The following INSC variants were observed in gnomAD, a reference collection of about 807,000 sequenced individuals.
The protein encoded by INSC is protein inscuteable homolog.
In INSC, 67 loss-of-function variants were observed where a neutral mutation model predicts 58.6. The observed-to-expected ratio is 1.14, with a 90% CI of 0.94 to 1.40. The LOEUF (loss-of-function observed/expected upper bound fraction) is 1.40, where lower values mean the gene tolerates loss of function less well. Among genes scored for constraint, INSC ranks in the 40% most tolerant of loss-of-function variants. INSC has a pLI of 0.00. For synonymous variants in INSC, 262 were observed against 276.1 expected, an observed-to-expected ratio of 0.95 and a Z score of 0.51; for missense variants, 714 against 692.0, an observed-to-expected ratio of 1.03 and a Z score of -0.36.
At chr11:15,248,499 G>A (rs1319103953), downstream of INSC, among the ~76,000 whole-genome samples, 2 of 152,188 alleles carry the variant, frequency 1.3e-5, no homozygotes, top group African/African-American at 4.8e-5. Context: ...CCTACTTTGA[G>A]AATCACTGAT....
intron 11 of INSC, among the ~76,000 whole-genome samples, chr11:15,239,312 C>T (rs1452707880): frequency 6.6e-6 from 1 of 152,190 alleles, no homozygotes; most frequent in Non-Finnish European, 1.5e-5. Flanking sequence ...AACAGTGACT[C>T]ACCTGCAGAC....
chr11:15,143,646 G>A (rs1462332503), intron 1 of INSC, among the ~76,000 whole-genome samples: 1 of 152,178 alleles, frequency 6.6e-6, no homozygotes, highest in African/African-American at 2.4e-5. Flanking sequence ...TGGTGGTTGT[G>A]TGGGGAACAA....
chr11:15,230,004 T>C (rs1315442109), intron 9 of INSC, among the ~76,000 whole-genome samples: 2 of 27,296 alleles, frequency 7.3e-5, no homozygotes, highest in Non-Finnish European at 1.2e-4. Flanking sequence ...TATATATATA[T>C]ATATATATAA....
intron 7 of INSC, among the ~76,000 whole-genome samples, chr11:15,218,665 G>A (rs2133924269): frequency 1.3e-5 from 2 of 152,220 alleles, no homozygotes; most frequent in Admixed American, 1.3e-4. Context: ...AGGGAAGCAA[G>A]ACGATGGGCA....
At chr11:15,193,641 A>G (rs184867023) in intron 6 of INSC, among the ~76,000 whole-genome samples, 1 of 152,212 alleles carries the variant, frequency 6.6e-6, no homozygotes, top group African/African-American at 2.4e-5. Context: ...TTATGGCTGC[A>G]TAGTATTCCA....
At chr11:15,266,355 C>T in the INSC span, among the ~76,000 whole-genome samples, 1 of 151,820 alleles carries the variant, frequency 6.6e-6, no homozygotes, top group Non-Finnish European at 1.5e-5. Context: ...ACTGCATTGG[C>T]CTTCATAGGG....
chr11:15,141,571 G>A (rs1848372466), intron 1 of INSC, among the ~76,000 whole-genome samples: 1 of 152,140 alleles, frequency 6.6e-6, no homozygotes, highest in South Asian at 2.1e-4. Flanking sequence ...TATATTTCAT[G>A]AGGCTCAGTT....
chr11:15,238,915 C>T lies in INSC; in HGVS notation c.1238-4C>T. 1 of 1,613,330 alleles carries T rather than the reference C, an allele frequency of 6.2e-7. No individual in the cohort carries two copies. Among genetic ancestry groups the T allele is most frequent in the Non-Finnish European group, 8.5e-7 (1 of 1,179,544 alleles). On this transcript the variant is annotated splice_region_variant and splice_polypyrimidine_tract_variant and intron_variant, in intron 10 of 12. Coordinates refer to ENST00000379556, the MANE Select transcript of INSC (RefSeq NM_001042536.3). Reference sequence around the variant, plus strand: ...GTACCAACTGTTCCTTGCTTCCTGCCTAGGGGTCCAGCTTATCATGGGCAT... The same window carrying T: ...GTACCAACTGTTCCTTGCTTCCTGCTTAGGGGTCCAGCTTATCATGGGCAT...
chr11:15,153,599 C>T (rs2133761608), intron 2 of INSC, among the ~76,000 whole-genome samples: 1 of 152,312 alleles, frequency 6.6e-6, no homozygotes, highest in African/African-American at 2.4e-5. Context: ...ACTTGAATTC[C>T]ATCCTTTCTC....
At chr11:15,180,684 A>AGGGGGGGGGGGGGGG (rs375510258) in intron 5 of INSC, among the ~76,000 whole-genome samples, 2 of 39,948 alleles carry the variant, frequency 5.0e-5, no homozygotes, top group African/African-American at 1.1e-4. Context: ...GGTAGGAGTG[A>AGGGGGGGGGGGGGGG]GGGGGGGGGC....
chr11:15,200,979 G>C (rs1007033786), intron 7 of INSC, 30 bp downstream of exon 7: 84 of 1,572,266 alleles, frequency 5.3e-5, no homozygotes, highest in Non-Finnish European at 6.6e-5. Context: ...TGGTGCCTGA[G>C]GTCCTCAAGC....
rs375266524 is a variant in INSC, at chr11:15,225,766, C to T, written c.1108C>T (p.Arg370Cys). Reference sequence around the variant, plus strand: ...GATGCTCCTGCAGTTGAATGCCATCCGTGTTCTCCTGGAAGCCTGCAGTGA... The same window carrying T: ...GATGCTCCTGCAGTTGAATGCCATCTGTGTTCTCCTGGAAGCCTGCAGTGA... ...CEMLLQLNAIRVLLEACSDKQ... is the reference protein window; with the variant it reads ...CEMLLQLNAICVLLEACSDKQ... The change falls in exon 9 of 13, where the codon CGT becomes TGT. Residue 370 changes from arginine to cysteine, a missense_variant. Physicochemically the swap from Arg to Cys is radical, Grantham distance 180 (BLOSUM62 -3). Transcript: ENST00000379556. 25 of 1,614,016 alleles carry T rather than the reference C, an allele frequency of 1.5e-5. No homozygotes were observed. The highest frequency in any genetic ancestry group is 6.7e-5 in the East Asian group (3 of 44,846).
chr11:15,135,098 C>T (rs1213259548), intron 1 of INSC, among the ~76,000 whole-genome samples: 2 of 152,050 alleles, frequency 1.3e-5, no homozygotes, highest in African/African-American at 4.8e-5. Context: ...ATTGGAATTA[C>T]TTGGAGATAG....
the INSC span, among the ~76,000 whole-genome samples, chr11:15,259,892 T>C: frequency 6.6e-6 from 1 of 152,200 alleles, no homozygotes; most frequent in African/African-American, 2.4e-5. Flanking sequence ...ACTTAGATTT[T>C]CTTTGCGTCC....
At chr11:15,144,552 G>A (rs1459620106) in intron 1 of INSC, among the ~76,000 whole-genome samples, 2 of 152,066 alleles carry the variant, frequency 1.3e-5, no homozygotes, top group African/African-American at 4.8e-5. Context: ...TAGAGCTGCC[G>A]CCAAAGCTTG....
chr11:15,162,120 C>T (rs547140957), intron 2 of INSC, among the ~76,000 whole-genome samples: 1 of 152,184 alleles, frequency 6.6e-6, no homozygotes, highest in South Asian at 2.1e-4. Context: ...ATGGACCCAG[C>T]TGACATCTGG....
intron 8 of INSC, among the ~76,000 whole-genome samples, chr11:15,223,030 A>G (rs1851504250): frequency 6.6e-6 from 1 of 152,192 alleles, no homozygotes; most frequent in African/African-American, 2.4e-5. Flanking sequence ...CCATTAAGAA[A>G]CATAAATGAG....
intron 1 of INSC, among the ~76,000 whole-genome samples, chr11:15,117,167 C>T (rs1352494762): frequency 6.6e-6 from 1 of 151,644 alleles, no homozygotes; most frequent in Non-Finnish European, 1.5e-5. Context: ...GTCTTGAACT[C>T]CTGACCTCAG....
intron 12 of INSC, among the ~76,000 whole-genome samples, chr11:15,245,216 T>C (rs1483430624): frequency 6.6e-6 from 1 of 152,078 alleles, no homozygotes; most frequent in East Asian, 1.9e-4. Flanking sequence ...CTGTCTCTGC[T>C]TCAGGATAAT....
Sources: gnomAD v4.1 joint callset for allele counts (sites outside exome capture counted in the v4.1 genomes callset) on GRCh38, gnomAD v4.1.1 for gene constraint, MANE v1.5 for transcripts, NCBI Gene and HGNC (gene_info 2026-07-23, HGNC 2026-07-21) for gene names.